The following XRCC5 variants were observed in gnomAD, a reference collection of about 807,000 sequenced individuals.
XRCC5 encodes DNA repair protein Ku80.
XRCC5 carries 12 observed loss-of-function variants against 95.7 expected under a neutral mutation model. The observed-to-expected ratio is 0.13, with a 90% CI of 0.08 to 0.20. The LOEUF (loss-of-function observed/expected upper bound fraction) is 0.20. Ranked by LOEUF, XRCC5 falls within the 10% of genes least tolerant of loss-of-function variation. The probability of loss-of-function intolerance (pLI) is 1.00; values close to 1 mark genes in which losing one functional copy is unlikely to be tolerated. For missense variants in XRCC5, 595 were observed against 873.9 expected (o/e 0.68, Z 4.02); for synonymous variants, 281 against 290.3 (o/e 0.97, Z 0.33).
At chr2:216,182,272 T>A (rs190383886) in intron 16 of XRCC5, among the ~76,000 whole-genome samples, 17 of 152,220 alleles carry the variant, frequency 1.1e-4, no homozygotes, top group Non-Finnish European at 2.4e-4. Flanking sequence ...CATTGCCAGA[T>A]TGATTTTGTG....
chr2:216,119,896 A>G (rs1238104793), intron 5 of XRCC5, among the ~76,000 whole-genome samples: 2 of 152,096 alleles, frequency 1.3e-5, no homozygotes, highest in Non-Finnish European at 2.9e-5. Context: ...TTCTTGTCCT[A>G]TTTTTGGTGA....
chr2:216,165,157 G>T (rs926874336), intron 16 of XRCC5, among the ~76,000 whole-genome samples: 2 of 152,130 alleles, frequency 1.3e-5, no homozygotes, highest in Non-Finnish European at 2.9e-5. Flanking sequence ...GATTTTTTAC[G>T]TAGCCATATT....
At chr2:216,110,811 T>C (rs577789615) in intron 1 of XRCC5, among the ~76,000 whole-genome samples, 1 of 152,366 alleles carries the variant, frequency 6.6e-6, no homozygotes, top group East Asian at 1.9e-4. Context: ...TTAAGTTTTT[T>C]TAGGTTATCA....
intron 2 of XRCC5, among the ~76,000 whole-genome samples, chr2:216,115,686 A>T (rs1262171585): frequency 6.6e-6 from 1 of 152,228 alleles, no homozygotes; most frequent in Non-Finnish European, 1.5e-5. Flanking sequence ...TGTGTCAGAT[A>T]CTATTTTTTG....
At chr2:216,119,190 T>A (rs758348202) in intron 5 of XRCC5, 25 bp downstream of exon 5, 6 of 1,612,826 alleles carry the variant, frequency 3.7e-6, no homozygotes, top group Non-Finnish European at 5.1e-6. Context: ...ATAATGCATG[T>A]AGACAAATCC....
At chr2:216,168,038 T>C (rs1286249857) in intron 16 of XRCC5, among the ~76,000 whole-genome samples, 1 of 152,210 alleles carries the variant, frequency 6.6e-6, no homozygotes, top group Non-Finnish European at 1.5e-5. Context: ...TCCAGGCTTA[T>C]TTTATGCCTC....
At chr2:216,203,608 G>C (rs889519923) in intron 19 of XRCC5, among the ~76,000 whole-genome samples, 3 of 152,212 alleles carry the variant, frequency 2.0e-5, no homozygotes, top group East Asian at 1.9e-4. Flanking sequence ...GGACTTTGCT[G>C]TATTACTATG....
At chr2:216,150,616 TA>T (rs1239724032) in intron 14 of XRCC5, among the ~76,000 whole-genome samples, 1 of 152,136 alleles carries the variant, frequency 6.6e-6, no homozygotes, top group Non-Finnish European at 1.5e-5. Context: ...TTTGCATATA[TA>T]AACGTATCTA....
chr2:216,153,298 C>T (rs575409851), intron 14 of XRCC5, among the ~76,000 whole-genome samples: 3 of 152,192 alleles, frequency 2.0e-5, no homozygotes, highest in Non-Finnish European at 4.4e-5. Flanking sequence ...TTCAGCTTCT[C>T]CAAATTTTTC....
At chr2:216,148,438 A>G (rs1322247670) in intron 14 of XRCC5, among the ~76,000 whole-genome samples, 162 bp downstream of exon 14, 2 of 152,190 alleles carry the variant, frequency 1.3e-5, no homozygotes, top group Non-Finnish European at 2.9e-5. Context: ...GATTTCTTAT[A>G]TCTGTCTGCT....
At chr2:216,159,516 ACTT>A (rs1040619401) in intron 14 of XRCC5, among the ~76,000 whole-genome samples, 5 of 152,146 alleles carry the variant, frequency 3.3e-5, no homozygotes, top group Admixed American at 6.6e-5. Context: ...ATAGTTTACG[ACTT>A]CTTTAAGAGG....
At chr2:216,139,612 T>C (rs1697143186) in intron 12 of XRCC5, among the ~76,000 whole-genome samples, 1 of 152,138 alleles carries the variant, frequency 6.6e-6, no homozygotes, top group African/African-American at 2.4e-5. Flanking sequence ...GCTCAAGCAA[T>C]CCTCTTGCCT....
intron 19 of XRCC5, among the ~76,000 whole-genome samples, chr2:216,196,760 T>G (rs1363970341): frequency 6.6e-6 from 1 of 152,086 alleles, no homozygotes; most frequent in Non-Finnish European, 1.5e-5. Context: ...AATCTTTACT[T>G]AAAATCAGGT....
chr2:216,155,582 A>G (rs548387154), intron 14 of XRCC5, among the ~76,000 whole-genome samples: 1 of 152,216 alleles, frequency 6.6e-6, no homozygotes, highest in Non-Finnish European at 1.5e-5. Flanking sequence ...CAACCAGTGT[A>G]CTCGTCACTA....
chr2:216,158,455 T>C (rs910758865), intron 14 of XRCC5, among the ~76,000 whole-genome samples: 2 of 152,224 alleles, frequency 1.3e-5, no homozygotes, highest in Non-Finnish European at 2.9e-5. Flanking sequence ...GTTGTTGGCT[T>C]GTCTCTTGGG....
rs536968702 is a variant in XRCC5 at position 216,126,409 on chromosome 2, T to C, written c.798+378T>C. ...CCAAAGTTAAGTTCAGTTTTGGAGCTCAGTGACACCTAATTCAATTATGAA... is the reference window on the plus strand; with the variant it reads ...CCAAAGTTAAGTTCAGTTTTGGAGCCCAGTGACACCTAATTCAATTATGAA... On this transcript the variant is annotated intron_variant, in intron 7 of 20. Coordinates refer to ENST00000392132, the MANE Select transcript of XRCC5 (RefSeq NM_021141.4). 6.6e-5 allele frequency among the ~76,000 whole-genome samples: 10 copies of C among 152,332 alleles called. No homozygotes were observed. The East Asian group carries it at 1.9e-3, about 29-fold the overall frequency.
chr2:216,162,553 C>T (rs1688973167), intron 16 of XRCC5, among the ~76,000 whole-genome samples: 1 of 152,056 alleles, frequency 6.6e-6, no homozygotes, highest in Non-Finnish European at 1.5e-5. Context: ...AGGCGTGCAC[C>T]ACCATGCCCA....
intron 16 of XRCC5, among the ~76,000 whole-genome samples, chr2:216,179,998 A>C (rs534417472): frequency 6.6e-5 from 10 of 152,302 alleles, no homozygotes; most frequent in African/African-American, 2.2e-4. Flanking sequence ...ATTTGAATGT[A>C]GAGTGTGTGA....
At chr2:216,175,327 A>G in intron 16 of XRCC5, 1 of 461,096 alleles carries the variant, frequency 2.2e-6, no homozygotes, top group Non-Finnish European at 4.2e-6. Context: ...AGTTTCCACC[A>G]CAGCCAAAAT....
Sources: allele counts gnomAD v4.1 joint callset (sites outside exome capture counted in the v4.1 genomes callset), GRCh38; gene constraint gnomAD v4.1.1; transcripts MANE v1.5; gene names NCBI Gene and HGNC (gene_info 2026-07-23, HGNC 2026-07-21).